POTEC: variants seen among roughly 807,000 people sequenced by gnomAD.
POTEC encodes the protein ANKRD26-like family B member 2.
A neutral mutation model predicts 62.0 loss-of-function variants in POTEC; 35 were observed. The ratio of observed to expected loss-of-function variants is 0.56; its 90% CI spans 0.43 to 0.75. The LOEUF (loss-of-function observed/expected upper bound fraction) is 0.75, where lower values mean the gene tolerates loss of function less well. POTEC is among the 30% of genes least tolerant of loss of function. The pLI is 0.00. For synonymous variants in POTEC, 156 were observed against 221.5 expected, an observed-to-expected ratio of 0.70 and a Z score of 2.62; for missense variants, 472 against 655.9, an observed-to-expected ratio of 0.72 and a Z score of 3.06.
intron 9 of POTEC, among the ~76,000 whole-genome samples, chr18:14,520,818 A>T (rs184967694): frequency 0.025 from 3,839 of 152,138 alleles, 74 homozygotes; most frequent in Middle Eastern, 0.041. Context: ...TACAGTCCAT[A>T]GAGTCAATTA....
intron 6 of POTEC, among the ~76,000 whole-genome samples, chr18:14,528,508 CCT>C (rs1249052031): frequency 1.3e-5 from 2 of 152,040 alleles, no homozygotes; most frequent in Non-Finnish European, 2.9e-5. Flanking sequence ...AAGTTTTCTC[CCT>C]GTTTAAAAGA....
intron 7 of POTEC, among the ~76,000 whole-genome samples, chr18:14,524,459 A>G (rs1240045253): frequency 6.6e-6 from 1 of 152,160 alleles, no homozygotes; most frequent in Non-Finnish European, 1.5e-5. Flanking sequence ...CTTCAGTGTT[A>G]CATTGTTCAT....
intron 1 of POTEC, among the ~76,000 whole-genome samples, chr18:14,539,741 A>G (rs1027371346): frequency 3.3e-5 from 5 of 152,114 alleles, no homozygotes; most frequent in African/African-American, 9.7e-5. Context: ...ATCTTTCACT[A>G]TTTTCCACCT....
chr18:14,518,577 C>G (rs1173081603), intron 9 of POTEC, among the ~76,000 whole-genome samples: 1 of 139,490 alleles, frequency 7.2e-6, no homozygotes, highest in South Asian at 2.4e-4. Context: ...CTGGTAGGCA[C>G]CCAATTGAAC....
At chr18:14,535,069 A>G in intron 3 of POTEC, 62 bp from the exon 4 acceptor site, 1 of 1,591,588 alleles carries the variant, frequency 6.3e-7, no homozygotes. Context: ...TTCTCAACTG[A>G]ACTGGAAGCT....
intron 7 of POTEC, among the ~76,000 whole-genome samples, chr18:14,523,913 G>GT (rs1262167587): frequency 6.6e-6 from 1 of 152,086 alleles, no homozygotes; most frequent in Non-Finnish European, 1.5e-5. Context: ...TGAAAAGAGC[G>GT]TATCTCATGA....
Position 14,540,693 on chromosome 18 carries a change from G to C in POTEC, c.521+1933C>G, listed in dbSNP as rs567489975. Among the ~76,000 whole-genome samples the C allele has an allele frequency of 9.2e-5, 14 of 152,160 alleles. No individual in the cohort carries two copies. In the South Asian group the frequency reaches 2.7e-3, roughly 29 times the overall value. ...AAAACAGCTGTGTCTGTTTCATATAGATATTTCAGTATAATGGAATAGATG... is the reference window on the plus strand; with the variant it reads ...AAAACAGCTGTGTCTGTTTCATATACATATTTCAGTATAATGGAATAGATG... On this transcript the variant is annotated intron_variant, in intron 1 of 10. Transcript: ENST00000358970.
intron 3 of POTEC, among the ~76,000 whole-genome samples, chr18:14,537,210 CAAAAAAA>C (rs869231004): frequency 3.1e-5 from 2 of 65,498 alleles, no homozygotes; most frequent in African/African-American, 1.8e-4. Context: ...CACACACACA[CAAAAAAA>C]AAAAAAAACA....
chr18:14,534,198 G>T (rs1244498317), intron 4 of POTEC, among the ~76,000 whole-genome samples: 1 of 149,128 alleles, frequency 6.7e-6, no homozygotes, highest in African/African-American at 2.5e-5. Context: ...TCTTGCGATA[G>T]TTTACTGAGA....
intron 10 of POTEC, 102 bp downstream of exon 10, chr18:14,513,560 T>TACACAC (rs1175061056): frequency 7.9e-7 from 1 of 1,269,704 alleles, no homozygotes; most frequent in African/African-American, 1.6e-5. Flanking sequence ...CACACACACG[T>TACACAC]GTGTATATAT....
chr18:14,531,456 G>C (rs1281392711), intron 5 of POTEC, among the ~76,000 whole-genome samples: 5 of 152,094 alleles, frequency 3.3e-5, no homozygotes, highest in African/African-American at 1.2e-4. Context: ...TCATGAAGAA[G>C]CTGCAAATTG....
chr18:14,524,984 C>T lies in POTEC; in HGVS notation c.1127-1G>A, dbSNP rs1910400866. ...TCTGATGTTAGCTTTAAGTCTTGTT[C>T]TGTTGAGAAATCCATATATTCAGTT... On this transcript the variant is annotated splice_acceptor_variant, in intron 6 of 10. Coordinates refer to ENST00000358970, the MANE Select transcript of POTEC (RefSeq NM_001137671.2). LOFTEE classifies it high-confidence loss of function. The T allele has an allele frequency of 1.3e-6, 2 of 1,599,806 alleles. No individual in the cohort carries two copies. The highest frequency in any genetic ancestry group is 4.5e-5 in the East Asian group (2 of 44,234).
chr18:14,538,689 C>T (rs1262620115), intron 1 of POTEC, among the ~76,000 whole-genome samples: 1 of 151,962 alleles, frequency 6.6e-6, no homozygotes, highest in South Asian at 2.1e-4. Context: ...TTACTAATAC[C>T]ACTAAAGACA....
chr18:14,537,206 CACACAAA>C (rs1409449178), intron 3 of POTEC, among the ~76,000 whole-genome samples: 1,881 of 76,656 alleles, frequency 0.025, 46 homozygotes, highest in African/African-American at 0.14. Flanking sequence ...CACACACACA[CACACAAA>C]AAAAAAAAAA....
At chr18:14,518,437 A>G (rs867368845) in intron 9 of POTEC, among the ~76,000 whole-genome samples, 30 of 152,114 alleles carry the variant, frequency 2.0e-4, no homozygotes, top group African/African-American at 6.8e-4. Flanking sequence ...TTATTTGTAT[A>G]TAAAAGTCTC....
chr18:14,530,051 C>A (rs1186768688), intron 6 of POTEC, among the ~76,000 whole-genome samples: 1 of 151,938 alleles, frequency 6.6e-6, no homozygotes, highest in African/African-American at 2.4e-5. Context: ...GGCCACACCC[C>A]ATGGCTCATA....
At chr18:14,526,771 C>T (rs1910447997) in intron 6 of POTEC, among the ~76,000 whole-genome samples, 3 of 151,974 alleles carry the variant, frequency 2.0e-5, no homozygotes, top group Non-Finnish European at 4.4e-5. Context: ...ATTATGAAAG[C>T]CTTATGTGTA....
chr18:14,513,118 G>A (rs1910051512), intron 10 of POTEC, among the ~76,000 whole-genome samples: 1 of 151,868 alleles, frequency 6.6e-6, no homozygotes, highest in Admixed American at 6.6e-5. Flanking sequence ...TGTGTATCAT[G>A]GCATGTCATT....
chr18:14,523,313 G>C, intron 8 of POTEC, 150 bp downstream of exon 8: 2 of 996,708 alleles, frequency 2.0e-6, no homozygotes, highest in Non-Finnish European at 2.7e-6. Context: ...TCAATGTACA[G>C]AACTCTTTCT....
Sources: gnomAD v4.1 joint callset for allele counts (sites outside exome capture counted in the v4.1 genomes callset) on GRCh38, gnomAD v4.1.1 for gene constraint, MANE v1.5 for transcripts, NCBI Gene and HGNC (gene_info 2026-07-23, HGNC 2026-07-21) for gene names.